SGIP1: variants seen among roughly 807,000 people sequenced by gnomAD.
The protein encoded by SGIP1 is SH3-containing GRB2-like protein 3-interacting protein 1.
SGIP1 carries 38 observed loss-of-function variants against 107.5 expected under a neutral mutation model. That is an observed-to-expected ratio of 0.35 (90% CI 0.27 to 0.46). The LOEUF (loss-of-function observed/expected upper bound fraction) is 0.46. SGIP1 is among the 20% of genes least tolerant of loss of function. The probability of loss-of-function intolerance (pLI) is 1.00; values close to 1 mark genes in which losing one functional copy is unlikely to be tolerated. For missense variants in SGIP1, 929 were observed against 1,019.5 expected (o/e 0.91, Z 1.21); for synonymous variants, 365 against 366.1 (o/e 1.00, Z 0.03).
intron 1 of SGIP1, among the ~76,000 whole-genome samples, chr1:66,619,425 C>G (rs2070352367): frequency 6.6e-6 from 1 of 152,222 alleles, no homozygotes; most frequent in African/African-American, 2.4e-5. Context: ...TCCGCCTGCC[C>G]CAGTGTTAGA....
intron 1 of SGIP1, among the ~76,000 whole-genome samples, chr1:66,609,459 G>T (rs971789132): frequency 3.9e-5 from 6 of 152,182 alleles, no homozygotes; most frequent in African/African-American, 1.4e-4. Flanking sequence ...GGAATAGAAA[G>T]AATTTTTGTT....
At chr1:66,602,705 G>A (rs908903940) in intron 1 of SGIP1, among the ~76,000 whole-genome samples, 2 of 151,962 alleles carry the variant, frequency 1.3e-5, no homozygotes, top group Non-Finnish European at 2.9e-5. Context: ...ACAGTCAAAA[G>A]CCCTACAGGT....
At chr1:66,563,165 A>G (rs1406408260) in intron 1 of SGIP1, among the ~76,000 whole-genome samples, 2 of 152,016 alleles carry the variant, frequency 1.3e-5, no homozygotes, top group African/African-American at 2.4e-5. Flanking sequence ...CACAATCTGA[A>G]CAAGAGATGC....
chr1:66,553,666 A>C (rs2057754571), intron 1 of SGIP1, among the ~76,000 whole-genome samples: 1 of 144,652 alleles, frequency 6.9e-6, no homozygotes, highest in African/African-American at 2.6e-5. Context: ...ACAGAGCAAG[A>C]CTCCAGTCAA....
intron 7 of SGIP1, among the ~76,000 whole-genome samples, chr1:66,646,474 T>G (rs1242034531): frequency 6.6e-6 from 1 of 152,254 alleles, no homozygotes; most frequent in Non-Finnish European, 1.5e-5. Flanking sequence ...TTCTGATTTA[T>G]GTTTCTTTTG....
At chr1:66,734,027 A>C (rs1379244356) in intron 21 of SGIP1, 147 bp downstream of exon 21, 16 of 901,886 alleles carry the variant, frequency 1.8e-5, no homozygotes, top group Non-Finnish European at 1.2e-5. Context: ...AAACTTTAAA[A>C]GATAACTTGG....
chr1:66,681,776 C>T, intron 14 of SGIP1, 93 bp from the exon 15 acceptor site: 1 of 1,339,714 alleles, frequency 7.5e-7, no homozygotes, highest in Non-Finnish European at 1.0e-6. Flanking sequence ...GCACCTCAGA[C>T]ACCAATGTAT....
At chr1:66,552,388 C>T (rs1257274054) in intron 1 of SGIP1, among the ~76,000 whole-genome samples, 1 of 152,126 alleles carries the variant, frequency 6.6e-6, no homozygotes. Flanking sequence ...CTTTTCTGCA[C>T]TGTGTGCTCA....
intron 7 of SGIP1, among the ~76,000 whole-genome samples, chr1:66,649,020 C>G (rs776139907): frequency 3.3e-5 from 5 of 152,156 alleles, no homozygotes; most frequent in Admixed American, 6.5e-5. Flanking sequence ...CATTACTTAA[C>G]CTAGATTCTT....
In SGIP1 at chr1:66,743,060, T is replaced by C. The variant is rs767779080; in HGVS notation, c.2465-13T>C. 7 of 1,613,448 alleles carry C rather than the reference T, an allele frequency of 4.3e-6. No homozygotes were observed. On this transcript the variant is annotated splice_polypyrimidine_tract_variant and intron_variant, in intron 24 of 24. Transcript: ENST00000371037. ...TACCAGATAACCTGTTGACATGCTG[T>C]TTTGTTTTGCAGGAAAATACTTGGC... is the stretch of plus-strand genomic sequence containing the variant.
intron 1 of SGIP1, among the ~76,000 whole-genome samples, chr1:66,610,652 T>C (rs1176003478): frequency 6.6e-6 from 1 of 152,114 alleles, no homozygotes; most frequent in Non-Finnish European, 1.5e-5. Flanking sequence ...AACAAAACAC[T>C]TTAAAGTCTT....
chr1:66,678,238 G>A (rs1285465212), intron 13 of SGIP1, among the ~76,000 whole-genome samples: 1 of 152,178 alleles, frequency 6.6e-6, no homozygotes, highest in Admixed American at 6.5e-5. Flanking sequence ...CCTGAGCTAT[G>A]CAAGTGATCC....
At position 66,643,558 on chromosome 1, in the gene SGIP1, C is replaced by A; in HGVS notation, c.298C>A (p.His100Asn). The A allele has an allele frequency of 6.2e-7, 1 of 1,607,480 alleles. No individual in the cohort carries two copies. The change falls in exon 7 of 25, where the codon CAC (histidine) becomes AAC (asparagine). Residue 100 changes from histidine (H) to asparagine (N), a missense_variant. Physicochemically the swap from His to Asn is moderately conservative, Grantham distance 68. Coordinates refer to ENST00000371037, the MANE Select transcript of SGIP1 (RefSeq NM_032291.4). The stretch of plus-strand genomic sequence containing the variant: ...CTGTGTTCTACCTACCAAAGGAAAG[C>A]ACTTTTATTCTTCAAGTGAATCGGA... ...PEEPGSTKGKHFYSSSESEEE... is the reference protein window; with the variant it reads ...PEEPGSTKGKNFYSSSESEEE...
chr1:66,592,894 C>CTTT (rs1558004086), intron 1 of SGIP1, among the ~76,000 whole-genome samples: 2 of 94,136 alleles, frequency 2.1e-5, no homozygotes, highest in African/African-American at 8.4e-5. Flanking sequence ...CTTTCTTCTT[C>CTTT]TTCTTTTTTT....
intron 1 of SGIP1, among the ~76,000 whole-genome samples, chr1:66,557,185 T>C (rs772466286): frequency 5.3e-5 from 8 of 152,110 alleles, no homozygotes; most frequent in Non-Finnish European, 1.2e-4. Context: ...GTAGTAATTA[T>C]AATTTAGGGA....
rs2094291879 is a variant in SGIP1 at position 66,737,146 on chromosome 1, T to G, written c.2032-2189T>G. Among the ~76,000 whole-genome samples, 2 of 152,318 alleles carry G rather than the reference T, an allele frequency of 1.3e-5. 1 individual carries two copies. The highest frequency in any genetic ancestry group is 6.8e-3 in the Middle Eastern group (2 of 294). On this transcript the variant is annotated intron_variant, in intron 21 of 24. Transcript: ENST00000371037. Reference sequence around the variant, plus strand: ...CTCTAAATGTAATTTTTTCTCTGAATGAGAAGTTAAATTTCGAGGCAGAAG... The same window carrying G: ...CTCTAAATGTAATTTTTTCTCTGAAGGAGAAGTTAAATTTCGAGGCAGAAG...
At chr1:66,702,695 T>G (rs1372358593) in intron 18 of SGIP1, among the ~76,000 whole-genome samples, 1 of 152,216 alleles carries the variant, frequency 6.6e-6, no homozygotes, top group Non-Finnish European at 1.5e-5. Context: ...TTCTTGTATC[T>G]CTATCAGACT....
In SGIP1 at chr1:66,543,796, G is replaced by A. The variant is rs139936667; in HGVS notation, c.10+9428G>A. ...TGGCCTCAGCTTCCCCATTTGTAAG[G>A]GGAGAATAATGCTGGCTACCTACCT... On this transcript the variant is annotated intron_variant, in intron 1 of 24. Coordinates refer to ENST00000371037, the MANE Select transcript of SGIP1 (RefSeq NM_032291.4). 1.4e-4 allele frequency among the ~76,000 whole-genome samples: 22 copies of A among 152,254 alleles called. No individual in the cohort carries two copies. In the East Asian group the frequency reaches 4.1e-3, roughly 28 times the overall value.
Position 66,534,290 on chromosome 1 carries a change from G to A in SGIP1, c.-69G>A. On this transcript the variant is annotated 5_prime_UTR_variant, in exon 1 of 25. Transcript: ENST00000371037. ...CAGCGGCGTGGTGAGGACTTAGCTG[G>A]GACCTGGAATCGTATCCTCCTGTGT... 6.4e-7 allele frequency: 1 copy of A among 1,565,984 alleles called. No homozygotes were observed. The highest frequency in any genetic ancestry group is 8.8e-7 in the Non-Finnish European group (1 of 1,136,326).
Sources: allele counts gnomAD v4.1 joint callset (sites outside exome capture counted in the v4.1 genomes callset), GRCh38; gene constraint gnomAD v4.1.1; transcripts MANE v1.5; gene names NCBI Gene and HGNC (gene_info 2026-07-23, HGNC 2026-07-21).